The following SLIT3 variants were observed in gnomAD, a reference collection of about 807,000 sequenced individuals.
SLIT3 encodes the protein slit homolog 3 protein.
In SLIT3, 68 loss-of-function variants were observed where a neutral mutation model predicts 184.0. The observed-to-expected ratio is 0.37, with a 90% CI of 0.30 to 0.45. SLIT3 has a LOEUF of 0.45. Ranked by LOEUF, SLIT3 falls within the 20% of genes least tolerant of loss-of-function variation. The pLI, the probability that SLIT3 is intolerant of heterozygous loss-of-function variation, is 1.00. For synonymous variants in SLIT3, 831 were observed against 828.6 expected, an observed-to-expected ratio of 1.00 and a Z score of -0.05; for missense variants, 1,707 against 2,026.0, an observed-to-expected ratio of 0.84 and a Z score of 3.02.
chr5:169,274,729 C>T (rs558084765), intron 1 of SLIT3, among the ~76,000 whole-genome samples: 8 of 152,184 alleles, frequency 5.3e-5, no homozygotes, highest in Admixed American at 5.2e-4. Context: ...TTGACACTGG[C>T]ATCTTCCTGG....
chr5:169,144,275 T>C (rs1342077721), intron 4 of SLIT3, among the ~76,000 whole-genome samples: 2 of 152,012 alleles, frequency 1.3e-5, no homozygotes, highest in Non-Finnish European at 2.9e-5. Flanking sequence ...TTCCCTCCCA[T>C]GTTTACCTTG....
rs2113324245 is a variant in SLIT3 at position 168,711,743 on chromosome 5, G to T, written c.2555+540C>A. On this transcript the variant is annotated intron_variant, in intron 24 of 35. Transcript: ENST00000519560. ...AAGAGAGGTCTGGCCTGGGAGTGAG[G>T]GAATCTAGATTCTAGTCCAACATCT... Among the ~76,000 whole-genome samples, 4 of 152,206 alleles carry T rather than the reference G, an allele frequency of 2.6e-5. No homozygotes were observed. In the South Asian group the frequency reaches 8.3e-4, roughly 32 times the overall value.
chr5:169,113,067 A>G (rs1760469339), intron 4 of SLIT3, among the ~76,000 whole-genome samples: 1 of 152,158 alleles, frequency 6.6e-6, no homozygotes, highest in Admixed American at 6.5e-5. Context: ...AAGTGTACAT[A>G]GCATCAAATT....
chr5:169,218,144 G>A (rs1331572473), intron 3 of SLIT3, among the ~76,000 whole-genome samples: 4 of 152,150 alleles, frequency 2.6e-5, no homozygotes, highest in Admixed American at 2.6e-4. Context: ...TTCTACCAAG[G>A]ACTGTTTGTA....
At chr5:169,291,181 A>G (rs1198499898) in intron 1 of SLIT3, among the ~76,000 whole-genome samples, 2 of 152,140 alleles carry the variant, frequency 1.3e-5, no homozygotes, top group South Asian at 2.1e-4. Flanking sequence ...CTGTTGGAAC[A>G]AGACCTGATG....
intron 6 of SLIT3, among the ~76,000 whole-genome samples, chr5:168,824,123 G>A (rs933358709): frequency 1.4e-4 from 21 of 152,118 alleles, no homozygotes; most frequent in Admixed American, 4.6e-4. Flanking sequence ...TTTTAGTAGA[G>A]ACAGGATTTC....
chr5:169,097,904 C>G (rs911178756), intron 4 of SLIT3, among the ~76,000 whole-genome samples: 1 of 152,216 alleles, frequency 6.6e-6, no homozygotes, highest in Non-Finnish European at 1.5e-5. Flanking sequence ...TGAGACCTGC[C>G]AAGGCCTGAG....
chr5:168,952,290 C>T (rs1407094020), intron 4 of SLIT3, among the ~76,000 whole-genome samples: 1 of 152,162 alleles, frequency 6.6e-6, no homozygotes, highest in African/African-American at 2.4e-5. Context: ...TTTGATCCAT[C>T]CTGAGTTAAG....
At chr5:169,130,560 G>T (rs1042535130) in intron 4 of SLIT3, among the ~76,000 whole-genome samples, 1 of 152,182 alleles carries the variant, frequency 6.6e-6, no homozygotes, top group East Asian at 1.9e-4. Flanking sequence ...CATCAGGGTC[G>T]TGAGGTTGTT....
chr5:168,837,555 T>C (rs1581131522), intron 6 of SLIT3, among the ~76,000 whole-genome samples: 1 of 152,356 alleles, frequency 6.6e-6, no homozygotes, highest in Middle Eastern at 3.4e-3. Context: ...AGGACAACCA[T>C]ATCTTGTTCT....
intron 4 of SLIT3, among the ~76,000 whole-genome samples, chr5:168,914,113 G>A (rs1761356472): frequency 6.6e-6 from 1 of 152,152 alleles, no homozygotes; most frequent in African/African-American, 2.4e-5. Context: ...TTTTCTATGA[G>A]AACAGTGAAC....
intron 20 of SLIT3, among the ~76,000 whole-genome samples, chr5:168,741,252 C>T (rs1325628645): frequency 2.6e-5 from 4 of 152,070 alleles, no homozygotes; most frequent in East Asian, 3.9e-4. Context: ...GGGCGGATCA[C>T]GAGGTCAGGA....
intron 3 of SLIT3, among the ~76,000 whole-genome samples, chr5:169,213,538 A>T (rs1284314550): frequency 6.6e-6 from 1 of 152,206 alleles, no homozygotes; most frequent in African/African-American, 2.4e-5. Flanking sequence ...TAGAGCTGAC[A>T]TCTTCACTTT....
At chr5:168,810,319 C>T (rs1254731376) in intron 8 of SLIT3, among the ~76,000 whole-genome samples, 1 of 152,214 alleles carries the variant, frequency 6.6e-6, no homozygotes, top group Non-Finnish European at 1.5e-5. Context: ...ACAGCATGCT[C>T]TTATGGCGGT....
chr5:169,081,642 T>A (rs1759062960), intron 4 of SLIT3, among the ~76,000 whole-genome samples: 1 of 152,086 alleles, frequency 6.6e-6, no homozygotes, highest in African/African-American at 2.4e-5. Flanking sequence ...CTCCAGAAGA[T>A]CTTCCATTGA....
intron 3 of SLIT3, among the ~76,000 whole-genome samples, chr5:169,196,043 C>G (rs1335456040): frequency 6.6e-6 from 1 of 152,086 alleles, no homozygotes. Context: ...CAACAACTCC[C>G]CATCCCTCCT....
At chr5:169,255,447 G>T (rs993007663) in intron 1 of SLIT3, among the ~76,000 whole-genome samples, 2 of 152,008 alleles carry the variant, frequency 1.3e-5, no homozygotes, top group Non-Finnish European at 2.9e-5. Context: ...TTGTGTCTTA[G>T]TTTTTAATAA....
chr5:169,168,604 G>A (rs1431605488), intron 4 of SLIT3, among the ~76,000 whole-genome samples: 2 of 152,208 alleles, frequency 1.3e-5, no homozygotes, highest in Non-Finnish European at 1.5e-5. Flanking sequence ...AGTAGTAGGA[G>A]TCACTACTTC....
chr5:168,931,992 T>C (rs1388021899), intron 4 of SLIT3, among the ~76,000 whole-genome samples: 5 of 152,170 alleles, frequency 3.3e-5, no homozygotes, highest in Non-Finnish European at 7.3e-5. Flanking sequence ...CCCTCTGTAG[T>C]GAACCCTGAC....
Sources: allele counts gnomAD v4.1 joint callset (sites outside exome capture counted in the v4.1 genomes callset), GRCh38; gene constraint gnomAD v4.1.1; transcripts MANE v1.5; gene names NCBI Gene and HGNC (gene_info 2026-07-23, HGNC 2026-07-21).